Variants in TREH observed in about 807,000 individuals in gnomAD.
TREH encodes the protein trehalase.
In TREH, 69 loss-of-function variants were observed where a neutral mutation model predicts 80.5. The ratio of observed to expected loss-of-function variants is 0.86; its 90% CI spans 0.71 to 1.05. TREH has a LOEUF of 1.05. Among genes scored for constraint, TREH ranks in the 50% least tolerant of loss-of-function variants. The probability of loss-of-function intolerance (pLI) is 0.00; values close to 1 mark genes in which losing one functional copy is unlikely to be tolerated. For synonymous variants in TREH, 309 were observed against 293.5 expected (o/e 1.05, Z -0.54); for missense variants, 716 against 718.8 (o/e 1.00, Z 0.04).
Position 118,661,874 on chromosome 11 carries a change from G to A in TREH, c.524+16C>T. On this transcript the variant is annotated intron_variant, in intron 5 of 14. Transcript: ENST00000264029. This position sits in a 1 kb window ranked among gnomAD's most constrained non-coding sequence, Gnocchi z 4.2. ...AGTCCTGCAGGCCCCTTGGTCTCTT[G>A]GGCCTGGGCGCTCACCAGTAGTAGA... 6.4e-7 allele frequency: 1 copy of A among 1,561,522 alleles called. No individual in the cohort carries two copies. The highest frequency in any genetic ancestry group is 1.2e-5 in the South Asian group (1 of 85,432).
rs1555144554 is a variant in TREH at position 118,659,955 on chromosome 11, G to T, written c.1112C>A (p.Ser371Tyr). 2.6e-6 allele frequency: 4 copies of T among 1,551,310 alleles called. No individual in the cohort carries two copies. In the South Asian group the frequency reaches 4.8e-5, roughly 18 times the overall value. ...SNFYSRLGNDSQATKYRILRS... is the reference protein window; with the variant it reads ...SNFYSRLGNDYQATKYRILRS... ...CAGGATTCTGTACTTCGTGGCCTGG[G>T]AGTCGTTCCCTGGGGCAGTGCTGCC... Residue 371 changes from serine to tyrosine, a missense_variant, in exon 11 of 15, where the codon TCC becomes TAC. By Grantham distance (144) the Ser-to-Tyr change is moderately radical. Coordinates refer to ENST00000264029, the MANE Select transcript of TREH (RefSeq NM_007180.3).
rs1016521289 is a variant in TREH at position 118,661,792 on chromosome 11, G to A, written c.525-63C>T. The A allele has an allele frequency of 4.6e-5, 73 of 1,602,932 alleles. No homozygotes were observed. Among genetic ancestry groups the A allele is most frequent in the Middle Eastern group, 3.3e-4 (2 of 6,016 alleles). ...CCCTCTGCCCTGCACACCAGCCAGT[G>A]GGGCACTCTGCCCTGCTGAAGACAC... On this transcript the variant is annotated intron_variant, in intron 5 of 14. Coordinates refer to ENST00000264029, the MANE Select transcript of TREH (RefSeq NM_007180.3). The surrounding 1 kb of genome is among the most constrained non-coding windows in gnomAD (Gnocchi z 4.2).
intron 4 of TREH, among the ~76,000 whole-genome samples, chr11:118,662,479 G>A (rs1379512890): frequency 1.3e-5 from 2 of 152,214 alleles, no homozygotes; most frequent in Non-Finnish European, 2.9e-5. Flanking sequence ...CTCAGGACAG[G>A]GCTGAACACA....
chr11:118,672,086 T>C (rs1485075637), intron 1 of TREH, among the ~76,000 whole-genome samples: 3 of 152,098 alleles, frequency 2.0e-5, no homozygotes, highest in African/African-American at 7.2e-5. Flanking sequence ...TCAGAAAGAA[T>C]AGGATGTTAA....
chr11:118,666,834 G>T (rs1949382358), intron 1 of TREH, among the ~76,000 whole-genome samples: 1 of 152,050 alleles, frequency 6.6e-6, no homozygotes, highest in Non-Finnish European at 1.5e-5. Flanking sequence ...TGTTTTCGTG[G>T]ATGAAAAGCT....
rs1949319643 is a variant in TREH, at chr11:118,661,381, G to A, written c.734+12C>T. The A allele has an allele frequency of 3.7e-6, 6 of 1,613,816 alleles. No individual in the cohort carries two copies. In the African/African-American group the frequency reaches 8.0e-5, roughly 22 times the overall value. On this transcript the variant is annotated intron_variant, in intron 7 of 14. Coordinates refer to ENST00000264029, the MANE Select transcript of TREH (RefSeq NM_007180.3). This position sits in a 1 kb window ranked among gnomAD's most constrained non-coding sequence, Gnocchi z 4.2. ...TGGGTCTGCAGAGCAGCACAGGGAGGGTGGTACCCACTGTAGAAAGGCGGT... is the reference window on the plus strand; with the variant it reads ...TGGGTCTGCAGAGCAGCACAGGGAGAGTGGTACCCACTGTAGAAAGGCGGT...
Position 118,659,390 on chromosome 11 carries a change from A to AG in TREH, c.1411dup (p.Leu471ProfsTer34), listed in dbSNP as rs782422052. The AG allele has an allele frequency of 7.6e-5, 121 of 1,592,418 alleles. No individual in the cohort carries two copies. Among genetic ancestry groups the AG allele is most frequent in the Non-Finnish European group, 9.1e-5 (106 of 1,168,540 alleles). ...CCTACCTCTGATGACCAGGTCCTGC[A>AG]GGGGGGCCCAGGCATTGGGGAAATC... On this transcript the variant is annotated frameshift_variant, in exon 12 of 15. Transcript: ENST00000264029. LOFTEE classifies it high-confidence loss of function.
chr11:118,662,763 G>A, intron 4 of TREH, 118 bp downstream of exon 4: 1 of 1,187,606 alleles, frequency 8.4e-7, no homozygotes. Context: ...CAGGGGCCAG[G>A]GACTGGTTTC....
At chr11:118,665,553 T>C (rs889538384) in intron 1 of TREH, among the ~76,000 whole-genome samples, 1 of 152,054 alleles carries the variant, frequency 6.6e-6, no homozygotes, top group Non-Finnish European at 1.5e-5. Flanking sequence ...GGCAGGAGGA[T>C]GGCGTGAACC....
chr11:118,660,082 C>T (rs1481834761), intron 10 of TREH, 118 bp from the exon 11 acceptor site: 2 of 974,190 alleles, frequency 2.1e-6, no homozygotes, highest in African/African-American at 1.6e-5. Context: ...CTGAGACACC[C>T]TGATGACCAA....
At position 118,657,561 on chromosome 11, in the gene TREH, A is replaced by G. The variant is rs1949182094; in HGVS notation, c.*728T>C. On this transcript the variant is annotated 3_prime_UTR_variant, in exon 15 of 15. Transcript: ENST00000264029. ...CCCCCTGCCTGTGTCTTCAGCCCTG[A>G]TGCACAGGCTGCCAGCCCCCCAGTC... 1 of 152,868 alleles carries G rather than the reference A, an allele frequency of 6.5e-6. No individual in the cohort carries two copies. Among genetic ancestry groups the G allele is most frequent in the South Asian group, 2.1e-4 (1 of 4,826 alleles). The allele number at this position is 152,868 out of a possible 1,614,324, so 9.5% of individuals were successfully genotyped here. A position where few individuals can be genotyped will look rare whatever the true frequency, so the allele number is the denominator to read the frequency against.
Position 118,676,785 on chromosome 11 carries a change from G to GA in TREH, c.89+2753dup, listed in dbSNP as rs1555146912. The stretch of plus-strand genomic sequence containing the variant: ...TTGCTGTCTCAAAAAAAAAAAGAAA[G>GA]AAAAAAACAACAACAAAAAAACACT... On this transcript the variant is annotated intron_variant, in intron 1 of 14. Coordinates refer to ENST00000264029, the MANE Select transcript of TREH (RefSeq NM_007180.3). Among the ~76,000 whole-genome samples, 427 of 145,154 alleles carry GA rather than the reference G, an allele frequency of 2.9e-3. 2 individuals are homozygous for GA. Among genetic ancestry groups the GA allele is most frequent in the African/African-American group, 9.9e-3 (388 of 39,018 alleles).
chr11:118,666,232 CAAAA>C (rs1230388084), intron 1 of TREH, among the ~76,000 whole-genome samples: 1 of 141,174 alleles, frequency 7.1e-6, no homozygotes, highest in East Asian at 2.0e-4. Flanking sequence ...AACTCCATCT[CAAAA>C]AAAAAAAATA....
At chr11:118,678,003 C>G (rs1369213631) in intron 1 of TREH, among the ~76,000 whole-genome samples, 4 of 152,164 alleles carry the variant, frequency 2.6e-5, no homozygotes, top group African/African-American at 9.7e-5. Flanking sequence ...CTGTAACACA[C>G]ACCCTCTATT....
intron 13 of TREH, 39 bp from the exon 14 acceptor site, chr11:118,658,772 C>T: frequency 6.2e-7 from 1 of 1,611,114 alleles, no homozygotes; most frequent in South Asian, 1.1e-5. Flanking sequence ...AGGTACTGCC[C>T]CCCAGCTCCA....
intron 1 of TREH, among the ~76,000 whole-genome samples, chr11:118,675,457 A>G (rs1214054473): frequency 6.6e-6 from 1 of 152,170 alleles, no homozygotes; most frequent in Non-Finnish European, 1.5e-5. Flanking sequence ...AGGGGTTCCC[A>G]TAACCCTTTC....
rs782562893 is a variant in TREH at position 118,663,219 on chromosome 11, G to A, written c.191-23C>T. On this transcript the variant is annotated intron_variant, in intron 2 of 14. Transcript: ENST00000264029. Reference sequence around the variant, plus strand: ...GTTCTGGAGAGCAGGCAGCAGGGAGGGGTCAGCAGGGTGTCACAAGCCACT... The same window carrying A: ...GTTCTGGAGAGCAGGCAGCAGGGAGAGGTCAGCAGGGTGTCACAAGCCACT... 2.5e-6 allele frequency: 4 copies of A among 1,582,472 alleles called. No individual in the cohort carries two copies. In the Admixed American group the frequency reaches 7.4e-5, roughly 29 times the overall value.
Position 118,679,555 on chromosome 11 carries a change from G to T in TREH, c.73C>A (p.Pro25Thr). 6.5e-7 allele frequency: 1 copy of T among 1,540,930 alleles called. No homozygotes were observed. The highest frequency in any genetic ancestry group is 8.8e-7 in the Non-Finnish European group (1 of 1,140,082). ...GLGLGSQEAL[P>T]PPCESEIYCH... Reference sequence around the variant, plus strand: ...CACCCCTACCTCTCACAGGGTGGGGGTAGGGCCTCCTGGGACCCCAGTCCC... The same window carrying T: ...CACCCCTACCTCTCACAGGGTGGGGTTAGGGCCTCCTGGGACCCCAGTCCC... The change falls in exon 1 of 15, where the codon CCC becomes ACC. Residue 25 changes from proline to threonine, a missense_variant. Coordinates refer to ENST00000264029, the MANE Select transcript of TREH (RefSeq NM_007180.3).
chr11:118,664,182 T>C (rs1157395263), intron 1 of TREH, among the ~76,000 whole-genome samples: 6 of 152,154 alleles, frequency 3.9e-5, no homozygotes, highest in Non-Finnish European at 5.9e-5. Context: ...TAGTGCCACA[T>C]AGAAGGGGCC....
Sources: allele counts gnomAD v4.1 joint callset (sites outside exome capture counted in the v4.1 genomes callset), GRCh38; gene constraint gnomAD v4.1.1; non-coding constraint Gnocchi (gnomAD v3.1); transcripts MANE v1.5; gene names NCBI Gene and HGNC (gene_info 2026-07-23, HGNC 2026-07-21).